The following NRXN3 variants were observed in gnomAD, a reference collection of about 807,000 sequenced individuals.
The protein encoded by NRXN3 is neurexin 3, also known as neurexin III.
Under a neutral mutation model 137.6 loss-of-function variants are expected in NRXN3, and 32 were observed. That is an observed-to-expected ratio of 0.23 (90% confidence interval 0.18 to 0.31). The LOEUF (loss-of-function observed/expected upper bound fraction) is 0.31, where lower values mean the gene tolerates loss of function less well. Among genes scored for constraint, NRXN3 ranks in the 10% least tolerant of loss-of-function variants. The pLI is 1.00. For synonymous variants in NRXN3, 798 were observed against 784.5 expected (o/e 1.02, Z -0.29); for missense variants, 1,574 against 2,062.5 (o/e 0.76, Z 4.59).
intron 15 of NRXN3, among the ~76,000 whole-genome samples, chr14:78,994,075 C>T (rs1028643971): frequency 9.2e-5 from 14 of 151,510 alleles, no homozygotes; most frequent in African/African-American, 3.2e-4. Context: ...AGGCTGGTCT[C>T]GAATTCCTGA....
chr14:79,376,323 C>G (rs2094300768), intron 15 of NRXN3, among the ~76,000 whole-genome samples: 1 of 147,000 alleles, frequency 6.8e-6, no homozygotes, highest in Non-Finnish European at 1.5e-5. Context: ...ACTTCCTTGA[C>G]CCATTACCTC....
chr14:79,314,373 G>T (rs1387932848), intron 15 of NRXN3, among the ~76,000 whole-genome samples: 1 of 51,250 alleles, frequency 2.0e-5, no homozygotes, highest in Non-Finnish European at 3.9e-5. Context: ...AAGAAACGGC[G>T]CACCACGAGA....
chr14:79,256,883 G>A (rs2076651170), intron 15 of NRXN3, among the ~76,000 whole-genome samples: 1 of 152,180 alleles, frequency 6.6e-6, no homozygotes, highest in Non-Finnish European at 1.5e-5. Flanking sequence ...GTGTCTGTGT[G>A]CACATGTGTG....
chr14:79,253,103 G>A (rs1299467117), intron 15 of NRXN3, among the ~76,000 whole-genome samples: 1 of 152,120 alleles, frequency 6.6e-6, no homozygotes, highest in Non-Finnish European at 1.5e-5. Flanking sequence ...GTGGTTCCAG[G>A]TCAAGTTTGA....
chr14:78,832,782 G>A (rs1229202369), intron 10 of NRXN3, among the ~76,000 whole-genome samples: 1 of 152,072 alleles, frequency 6.6e-6, no homozygotes, highest in Non-Finnish European at 1.5e-5. Context: ...TATTCTTATC[G>A]GTATCCCTGT....
intron 6 of NRXN3, among the ~76,000 whole-genome samples, chr14:78,678,786 G>T (rs1456409447): frequency 6.6e-6 from 1 of 152,042 alleles, no homozygotes; most frequent in Admixed American, 6.6e-5. Flanking sequence ...GGCCTCAAAG[G>T]TGCATATATT....
intron 10 of NRXN3, among the ~76,000 whole-genome samples, chr14:78,945,539 T>C (rs1284565900): frequency 6.6e-6 from 1 of 152,164 alleles, no homozygotes; most frequent in Non-Finnish European, 1.5e-5. Flanking sequence ...CTGTATAGTG[T>C]AGTAGTTAAG....
intron 16 of NRXN3, among the ~76,000 whole-genome samples, chr14:79,489,765 C>A (rs552002595): frequency 3.3e-5 from 5 of 152,052 alleles, no homozygotes; most frequent in Non-Finnish European, 7.4e-5. Flanking sequence ...TTCGGCCGGG[C>A]GTGGTGGCTC....
chr14:78,496,475 G>A (rs538175541), intron 4 of NRXN3, among the ~76,000 whole-genome samples: 35 of 152,172 alleles, frequency 2.3e-4, no homozygotes, highest in African/African-American at 7.5e-4. Context: ...AATGTAAACC[G>A]TGTTCATTTA....
intron 16 of NRXN3, among the ~76,000 whole-genome samples, chr14:79,644,860 C>G (rs2098446883): frequency 7.4e-6 from 1 of 135,420 alleles, no homozygotes. Flanking sequence ...AGTATGTAGG[C>G]TAGGTGGTTT....
At chr14:79,544,691 C>T (rs923600891) in intron 16 of NRXN3, among the ~76,000 whole-genome samples, 4 of 152,158 alleles carry the variant, frequency 2.6e-5, no homozygotes, top group Non-Finnish European at 2.9e-5. Flanking sequence ...TACTAAGGAG[C>T]GAAGAGCCTA....
intron 16 of NRXN3, among the ~76,000 whole-genome samples, chr14:79,582,252 T>G (rs1174122506): frequency 1.3e-5 from 2 of 151,148 alleles, no homozygotes; most frequent in Non-Finnish European, 3.0e-5. Context: ...GCTGAGGAGG[T>G]ATAATATTAT....
chr14:79,830,423 C>T (rs1053968873), intron 20 of NRXN3, among the ~76,000 whole-genome samples: 3 of 152,092 alleles, frequency 2.0e-5, no homozygotes, highest in African/African-American at 7.2e-5. Context: ...AGAGCATAGT[C>T]AGTAACTCCC....
chr14:79,610,991 T>A (rs2098091294), intron 16 of NRXN3, among the ~76,000 whole-genome samples: 1 of 152,182 alleles, frequency 6.6e-6, no homozygotes, highest in Admixed American at 6.5e-5. Flanking sequence ...TGGGGTTTTC[T>A]ACTTGGGCAT....
chr14:79,371,681 A>G (rs759270980), intron 15 of NRXN3, among the ~76,000 whole-genome samples: 2 of 152,130 alleles, frequency 1.3e-5, no homozygotes, highest in East Asian at 1.9e-4. Flanking sequence ...TTCTTTGTTG[A>G]TAAGATCTAT....
intron 4 of NRXN3, among the ~76,000 whole-genome samples, chr14:78,527,177 A>G (rs2096392377): frequency 6.6e-6 from 1 of 152,208 alleles, no homozygotes; most frequent in Non-Finnish European, 1.5e-5. Flanking sequence ...ACTGCTACAA[A>G]TAAATACCTG....
At chr14:79,453,459 A>C (rs2153590333) in intron 15 of NRXN3, among the ~76,000 whole-genome samples, 1 of 152,370 alleles carries the variant, frequency 6.6e-6, no homozygotes. Context: ...TGAAGGCCAG[A>C]GAGAAAGGCA....
chr14:79,685,241 A>T (rs1243081709), intron 17 of NRXN3, among the ~76,000 whole-genome samples: 1 of 152,102 alleles, frequency 6.6e-6, no homozygotes, highest in Non-Finnish European at 1.5e-5. Context: ...TTTCCTTTTA[A>T]TTCTCACCGC....
intron 17 of NRXN3, among the ~76,000 whole-genome samples, chr14:79,685,382 A>G (rs1418593482): frequency 6.6e-6 from 1 of 152,194 alleles, no homozygotes; most frequent in Non-Finnish European, 1.5e-5. Context: ...AGACATTGAA[A>G]TCAACTACTG....
Sources: allele counts gnomAD v4.1 joint callset (sites outside exome capture counted in the v4.1 genomes callset), GRCh38; gene constraint gnomAD v4.1.1; transcripts MANE v1.5; gene names NCBI Gene and HGNC (gene_info 2026-07-23, HGNC 2026-07-21).